Variants in RAB22A observed in about 807,000 individuals in gnomAD.
RAB22A encodes RAB22A, member RAS oncogene family.
In RAB22A, 13 loss-of-function variants were observed where a neutral mutation model predicts 30.2. The ratio of observed to expected loss-of-function variants is 0.43; its 90% CI spans 0.28 to 0.68. The LOEUF (loss-of-function observed/expected upper bound fraction) is 0.68, where lower values mean the gene tolerates loss of function less well. Among genes scored for constraint, RAB22A ranks in the 30% least tolerant of loss-of-function variants. The probability of loss-of-function intolerance (pLI) is 0.18; values close to 1 mark genes in which losing one functional copy is unlikely to be tolerated. For synonymous variants in RAB22A, 89 were observed against 87.2 expected (o/e 1.02, Z -0.11); for missense variants, 177 against 246.8 (o/e 0.72, Z 1.89).
chr20:58,318,630 T>C (rs75827357), intron 2 of RAB22A, among the ~76,000 whole-genome samples: 2 of 152,170 alleles, frequency 1.3e-5, no homozygotes, highest in Non-Finnish European at 2.9e-5. Flanking sequence ...CTGGTAGTTG[T>C]TGATCCCTCT....
chr20:58,352,770 T>C (rs567682540), intron 3 of RAB22A, among the ~76,000 whole-genome samples: 37 of 152,198 alleles, frequency 2.4e-4, no homozygotes, highest in Admixed American at 9.8e-4. Context: ...CAAGGAGATA[T>C]CAAAAAAGCA....
At chr20:58,336,368 C>T (rs1330981399) in intron 2 of RAB22A, among the ~76,000 whole-genome samples, 1 of 152,028 alleles carries the variant, frequency 6.6e-6, no homozygotes. Context: ...TCTTTTTGAC[C>T]CACTTCCCTT....
chr20:58,313,672 A>C (rs113682518), intron 2 of RAB22A, among the ~76,000 whole-genome samples: 3,499 of 152,298 alleles, frequency 0.023, 67 homozygotes, highest in Non-Finnish European at 0.037. Context: ...AGCCAAAGTC[A>C]AATGGCCTTT....
chr20:58,351,390 TA>T (rs1265578259), intron 3 of RAB22A, among the ~76,000 whole-genome samples: 1 of 151,582 alleles, frequency 6.6e-6, no homozygotes, highest in African/African-American at 2.4e-5. Flanking sequence ...AGCAACAACT[TA>T]AAAAATAATA....
intron 2 of RAB22A, among the ~76,000 whole-genome samples, chr20:58,340,704 T>A (rs1319845949): frequency 6.6e-6 from 1 of 152,042 alleles, no homozygotes; most frequent in African/African-American, 2.4e-5. Flanking sequence ...AGGCAAACTT[T>A]AAAAAGAAAA....
At chr20:58,359,573 C>G in intron 6 of RAB22A, 33 bp from the exon 7 acceptor site, 3 of 1,488,196 alleles carry the variant, frequency 2.0e-6, no homozygotes, top group Non-Finnish European at 2.8e-6. Context: ...AAAGTTAAAG[C>G]TCACTCCCTT....
chr20:58,354,722 C>T (rs1987105236), intron 6 of RAB22A, among the ~76,000 whole-genome samples: 1 of 152,264 alleles, frequency 6.6e-6, no homozygotes, highest in East Asian at 1.9e-4. Flanking sequence ...TGATGATACT[C>T]GATGGGAGAG....
At chr20:58,311,161 T>C (rs1290431762) in intron 2 of RAB22A, 39 bp downstream of exon 2, 2 of 1,508,422 alleles carry the variant, frequency 1.3e-6, no homozygotes, top group Admixed American at 3.3e-5. Flanking sequence ...AAAGGTGCAT[T>C]GAAAATCCTT....
In RAB22A at chr20:58,359,769, G is replaced by T. The variant is rs1987194694; in HGVS notation, c.*66G>T. 3 of 1,433,906 alleles carry T rather than the reference G, an allele frequency of 2.1e-6. No individual in the cohort carries two copies. The highest frequency in any genetic ancestry group is 3.6e-5 in the Admixed American group (2 of 55,136). The allele number at this position is 1,433,906 out of a possible 1,614,324, so 88.8% of individuals were successfully genotyped here. A position where few individuals can be genotyped will look rare whatever the true frequency, so the allele number is the denominator to read the frequency against. On this transcript the variant is annotated 3_prime_UTR_variant, in exon 7 of 7. Transcript: ENST00000244040. Reference sequence around the variant, plus strand: ...TCCTGAAAGTTAACAGGAGGGCTGGGGTCCCTGCCACCAGTTTTCACCTAG... The same window carrying T: ...TCCTGAAAGTTAACAGGAGGGCTGGTGTCCCTGCCACCAGTTTTCACCTAG...
At chr20:58,333,884 C>T (rs1986700913) in intron 2 of RAB22A, among the ~76,000 whole-genome samples, 1 of 152,142 alleles carries the variant, frequency 6.6e-6, no homozygotes, top group Non-Finnish European at 1.5e-5. Context: ...TAGCGAGACC[C>T]TGTCTCTACA....
At position 58,360,971 on chromosome 20, in the gene RAB22A, A is replaced by G. The variant is rs1317592903; in HGVS notation, c.*1268A>G. ...ATAAGTTTCTTTTAGCTTGTACAGC[A>G]TCCTCAGACCAACTGAGGAGCTTTC... On this transcript the variant is annotated 3_prime_UTR_variant, in exon 7 of 7. Transcript: ENST00000244040. 6.6e-6 allele frequency: 1 copy of G among 152,550 alleles called. No homozygotes were observed. Among genetic ancestry groups the G allele is most frequent in the Admixed American group, 6.5e-5 (1 of 15,282 alleles). The allele number at this position is 152,550 out of a possible 1,614,324, so 9.4% of individuals were successfully genotyped here.
chr20:58,309,881 G>A lies in RAB22A; in HGVS notation c.-96G>A, dbSNP rs1277688271. 1.7e-6 allele frequency: 2 copies of A among 1,170,358 alleles called. No individual in the cohort carries two copies. The highest frequency in any genetic ancestry group is 6.4e-5 in the East Asian group (2 of 31,114). 72.5% of individuals were successfully genotyped at this position (1,170,358 alleles called of 1,614,324 possible). ...TCTGCGCGGACCGGGGCTGGGCCGT[G>A]CGGCGGCAGCGGCGCCAGGGGATGC... On this transcript the variant is annotated 5_prime_UTR_variant, in exon 1 of 7. Coordinates refer to ENST00000244040, the MANE Select transcript of RAB22A (RefSeq NM_020673.3).
intron 2 of RAB22A, among the ~76,000 whole-genome samples, chr20:58,329,370 G>A (rs1391946804): frequency 1.3e-5 from 2 of 152,088 alleles, no homozygotes; most frequent in African/African-American, 2.4e-5. Context: ...CACTTTTGAG[G>A]TATGTTTTTG....
intron 2 of RAB22A, among the ~76,000 whole-genome samples, chr20:58,313,585 T>C (rs551988): frequency 0.53 from 80,756 of 151,990 alleles, 22,804 homozygotes; most frequent in African/African-American, 0.72. Flanking sequence ...CTGCTCACTC[T>C]TCAGCCCTCC....
chr20:58,312,528 G>C (rs1328598052), intron 2 of RAB22A, among the ~76,000 whole-genome samples: 1 of 109,302 alleles, frequency 9.1e-6, no homozygotes, highest in African/African-American at 3.5e-5. Flanking sequence ...TCGCTCTGTT[G>C]CCCAGGCTGG....
chr20:58,355,189 G>C (rs573752489), intron 6 of RAB22A, among the ~76,000 whole-genome samples: 3 of 152,208 alleles, frequency 2.0e-5, no homozygotes, highest in South Asian at 4.1e-4. Context: ...AAGCAGGGAG[G>C]GTCCTTTGCC....
intron 2 of RAB22A, among the ~76,000 whole-genome samples, chr20:58,321,299 G>A (rs567078552): frequency 1.3e-5 from 2 of 152,278 alleles, no homozygotes; most frequent in South Asian, 4.1e-4. Context: ...AGGAGGTAGA[G>A]GTTGTAGTGA....
intron 3 of RAB22A, among the ~76,000 whole-genome samples, chr20:58,348,523 A>C (rs1600739107): frequency 6.6e-6 from 1 of 152,310 alleles, no homozygotes; most frequent in East Asian, 1.9e-4. Flanking sequence ...CATCCACATG[A>C]AGAGACAAGA....
chr20:58,326,210 G>A (rs1986567024), intron 2 of RAB22A, among the ~76,000 whole-genome samples: 1 of 151,818 alleles, frequency 6.6e-6, no homozygotes, highest in Non-Finnish European at 1.5e-5. Context: ...CTTATGATTT[G>A]ATTTTGATAA....
Sources: gnomAD v4.1 joint callset for allele counts (sites outside exome capture counted in the v4.1 genomes callset) on GRCh38, gnomAD v4.1.1 for gene constraint, MANE v1.5 for transcripts, NCBI Gene and HGNC (gene_info 2026-07-23, HGNC 2026-07-21) for gene names.